Variants in TXNRD1 observed in about 807,000 individuals in gnomAD.
The protein encoded by TXNRD1 is thioredoxin reductase 1.
Under a neutral mutation model 80.3 loss-of-function variants are expected in TXNRD1, and 57 were observed. The ratio of observed to expected loss-of-function variants is 0.71; its 90% CI spans 0.57 to 0.89. The LOEUF (loss-of-function observed/expected upper bound fraction) is 0.89. Ranked by LOEUF, TXNRD1 falls within the 40% of genes least tolerant of loss-of-function variation. TXNRD1 has a pLI of 0.00. For missense variants in TXNRD1, 730 were observed against 803.0 expected (o/e 0.91, Z 1.10); for synonymous variants, 291 against 285.2 (o/e 1.02, Z -0.20).
intron 3 of TXNRD1, among the ~76,000 whole-genome samples, chr12:104,284,570 A>G (rs1221168402): frequency 6.6e-6 from 1 of 152,224 alleles, no homozygotes; most frequent in Non-Finnish European, 1.5e-5. Context: ...ACAGTTCAGG[A>G]ACATAGAGAG....
At chr12:104,328,188 AAAG>A (rs1459014430) in intron 13 of TXNRD1, among the ~76,000 whole-genome samples, 3 of 152,112 alleles carry the variant, frequency 2.0e-5, no homozygotes, top group African/African-American at 2.4e-5. Context: ...AAAAAAAAAA[AAAG>A]AAAATTGACA....
chr12:104,237,904 G>A (rs1486564523), intron 1 of TXNRD1, among the ~76,000 whole-genome samples: 2 of 152,014 alleles, frequency 1.3e-5, no homozygotes, highest in Non-Finnish European at 2.9e-5. Context: ...CCGGCTACTC[G>A]GGAGGCTGAG....
chr12:104,309,808 C>T, intron 4 of TXNRD1: 2 of 1,534,766 alleles, frequency 1.3e-6, no homozygotes, highest in Non-Finnish European at 1.7e-6. Flanking sequence ...TTGATGACTA[C>T]TGGCTGTGTT....
intron 4 of TXNRD1, among the ~76,000 whole-genome samples, chr12:104,292,120 A>T (rs559257695): frequency 6.6e-6 from 1 of 152,308 alleles, no homozygotes; most frequent in African/African-American, 2.4e-5. Context: ...TTTTCCCTGA[A>T]TAAACAACAG....
chr12:104,230,599 T>A (rs907123846), intron 1 of TXNRD1, among the ~76,000 whole-genome samples: 2 of 152,230 alleles, frequency 1.3e-5, no homozygotes, highest in African/African-American at 4.8e-5. Flanking sequence ...ATGTGCTTAC[T>A]GTTTATCTTC....
At chr12:104,309,842 T>G in intron 4 of TXNRD1, 1 of 1,535,412 alleles carries the variant, frequency 6.5e-7, no homozygotes. Flanking sequence ...TGCTAGACCT[T>G]TTGTGCAGAC....
chr12:104,348,445 AAG>A lies in TXNRD1; in HGVS notation c.*26_*27del. ...AAGCCCCAGTGTGGATGCTGTTGCC[AAG>A]ACTGCAAACCACTGGCTCGTTTCCG... On this transcript the variant is annotated 3_prime_UTR_variant, in exon 17 of 17. Coordinates refer to ENST00000525566, the MANE Select transcript of TXNRD1 (RefSeq NM_001093771.3). 6.2e-7 allele frequency: 1 copy of A among 1,612,794 alleles called. No individual in the cohort carries two copies. The highest frequency in any genetic ancestry group is 8.5e-7 in the Non-Finnish European group (1 of 1,178,924).
chr12:104,323,955 C>T (rs2035659200), intron 10 of TXNRD1, among the ~76,000 whole-genome samples: 1 of 152,178 alleles, frequency 6.6e-6, no homozygotes, highest in Admixed American at 6.5e-5. Flanking sequence ...GGGTATTAAA[C>T]TCTTGCTGTA....
At chr12:104,255,171 C>A (rs1383919336) in intron 2 of TXNRD1, among the ~76,000 whole-genome samples, 1 of 151,490 alleles carries the variant, frequency 6.6e-6, no homozygotes, top group Non-Finnish European at 1.5e-5. Context: ...CAATTTTAAC[C>A]CTGCTGTAGT....
intron 1 of TXNRD1, among the ~76,000 whole-genome samples, chr12:104,249,240 G>A (rs2033059658): frequency 6.6e-6 from 1 of 152,172 alleles, no homozygotes; most frequent in South Asian, 2.1e-4. Context: ...TGGTGGAAGG[G>A]GAGATGGGCT....
At chr12:104,228,323 T>G (rs7953434) in intron 1 of TXNRD1, among the ~76,000 whole-genome samples, 131,477 of 146,920 alleles carry the variant, frequency 0.89, 59,122 homozygotes, top group African/African-American at 0.98. Flanking sequence ...AAAAAAAATC[T>G]GTATTTGATT....
intron 4 of TXNRD1, chr12:104,305,023 C>T (rs2034837795): frequency 1.2e-5 from 16 of 1,321,686 alleles, no homozygotes; most frequent in Non-Finnish European, 1.6e-5. Flanking sequence ...TATTGTATCT[C>T]TTGTAAAGTG....
chr12:104,335,843 G>A (rs1169997549), intron 15 of TXNRD1, among the ~76,000 whole-genome samples: 1 of 152,164 alleles, frequency 6.6e-6, no homozygotes, highest in Non-Finnish European at 1.5e-5. Flanking sequence ...GGAAACTACT[G>A]CTTTAGGCAG....
At chr12:104,308,898 C>CTTTTTTTTT (rs11484262) in intron 4 of TXNRD1, among the ~76,000 whole-genome samples, 1 of 129,738 alleles carries the variant, frequency 7.7e-6, no homozygotes, top group African/African-American at 2.9e-5. Flanking sequence ...AACAATGTTT[C>CTTTTTTTTT]TTTTTTTTTT....
chr12:104,288,325 A>C (rs148837038), intron 3 of TXNRD1, among the ~76,000 whole-genome samples: 20 of 152,262 alleles, frequency 1.3e-4, no homozygotes, highest in Non-Finnish European at 2.5e-4. Context: ...TAACTGTGGA[A>C]TCTGTATGTT....
intron 1 of TXNRD1, among the ~76,000 whole-genome samples, chr12:104,221,786 G>A (rs1415035604): frequency 1.3e-5 from 2 of 152,152 alleles, no homozygotes; most frequent in African/African-American, 2.4e-5. Context: ...AACTGAGCTG[G>A]GCAGGTGGTG....
rs149952472 is a variant in TXNRD1, at chr12:104,242,516, C to T, written c.92-9011C>T. On this transcript the variant is annotated intron_variant, in intron 1 of 16. Transcript: ENST00000525566. ...TGAGCTGAGGTTGTGCCATTGCAAT[C>T]CAGCATGGGCGACAAGAGTGAAACT... Among the ~76,000 whole-genome samples the T allele has an allele frequency of 3.9e-3, 588 of 151,658 alleles. 2 individuals are homozygous for T. Among genetic ancestry groups the T allele is most frequent in the African/African-American group, 0.014 (572 of 41,362 alleles).
Position 104,326,437 on chromosome 12 carries a change from CT to C in TXNRD1, c.1385+17del. On this transcript the variant is annotated intron_variant, in intron 12 of 16. Transcript: ENST00000525566. Reference sequence around the variant, plus strand: ...GATAAATGAAAAGTAAGAAAAAAATCTTTATTATGTCATATTTGTGGGATTT... The same window carrying C: ...GATAAATGAAAAGTAAGAAAAAAATCTTATTATGTCATATTTGTGGGATTT... 1.9e-6 allele frequency: 2 copies of C among 1,066,734 alleles called. No individual in the cohort carries two copies. Among genetic ancestry groups the C allele is most frequent in the Non-Finnish European group, 2.6e-6 (2 of 760,484 alleles). 66.1% of individuals were successfully genotyped at this position (1,066,734 alleles called of 1,614,324 possible). A position where few individuals can be genotyped will look rare whatever the true frequency, so the allele number is the denominator to read the frequency against.
At chr12:104,256,670 T>C (rs2033255569) in intron 2 of TXNRD1, among the ~76,000 whole-genome samples, 1 of 151,502 alleles carries the variant, frequency 6.6e-6, no homozygotes, top group South Asian at 2.1e-4. Context: ...CCCCACCTAA[T>C]TGGGTGGCTG....
Sources: allele counts gnomAD v4.1 joint callset (sites outside exome capture counted in the v4.1 genomes callset), GRCh38; gene constraint gnomAD v4.1.1; transcripts MANE v1.5; gene names NCBI Gene and HGNC (gene_info 2026-07-23, HGNC 2026-07-21).